Variants in DPF3 observed in about 807,000 individuals in gnomAD.
DPF3 encodes double PHD fingers 3.
Under a neutral mutation model 56.8 loss-of-function variants are expected in DPF3, and 18 were observed. The ratio of observed to expected loss-of-function variants is 0.32; its 90% CI spans 0.22 to 0.47. The LOEUF (loss-of-function observed/expected upper bound fraction) is 0.47, where lower values mean the gene tolerates loss of function less well. Ranked by LOEUF, DPF3 falls within the 20% of genes least tolerant of loss-of-function variation. The pLI is 1.00. For synonymous variants in DPF3, 188 were observed against 180.2 expected (o/e 1.04, Z -0.35); for missense variants, 403 against 488.8 (o/e 0.82, Z 1.65).
intron 1 of DPF3, among the ~76,000 whole-genome samples, chr14:72,795,291 AAAAAAT>A (rs751184310): frequency 0.066 from 8,097 of 122,092 alleles, 245 homozygotes; most frequent in Admixed American, 0.13. Flanking sequence ...AAAAAAAAAA[AAAAAAT>A]ATATATATAT....
Position 72,693,123 on chromosome 14 carries a change from T to C in DPF3, c.695A>G (p.Asp232Gly). ...LASEEGDEAQ[D>G]QETRSPPNHR... ...GTTGGGTGGGGACCGAGTCTCCTGG[T>C]CTTGAGCTTCATCCCCCTCCTCGCT... Residue 232 changes from aspartate (D) to glycine (G), a missense_variant, in exon 7 of 11, where the codon GAC (aspartate) becomes GGC (glycine). By Grantham distance (94) the Asp-to-Gly change is moderately conservative. Transcript: ENST00000556509. The C allele has an allele frequency of 6.2e-7, 1 of 1,614,006 alleles. No homozygotes were observed. Among genetic ancestry groups the C allele is most frequent in the Non-Finnish European group, 8.5e-7 (1 of 1,179,886 alleles).
chr14:72,721,099 T>C (rs1889151746), intron 5 of DPF3, among the ~76,000 whole-genome samples: 1 of 152,196 alleles, frequency 6.6e-6, no homozygotes, highest in African/African-American at 2.4e-5. Context: ...TAGCCACATG[T>C]GGCCAGCAGC....
At chr14:72,716,364 A>G (rs1409684565) in intron 5 of DPF3, among the ~76,000 whole-genome samples, 2 of 152,150 alleles carry the variant, frequency 1.3e-5, no homozygotes, top group Non-Finnish European at 2.9e-5. Flanking sequence ...TTCAGGGGAC[A>G]TGCAAGGGAC....
At chr14:72,891,724 T>TTTA (rs1886760363) in intron 1 of DPF3, among the ~76,000 whole-genome samples, 1 of 151,916 alleles carries the variant, frequency 6.6e-6, no homozygotes, top group Non-Finnish European at 1.5e-5. Context: ...AGTGGTATTG[T>TTTA]TTATACCCCT....
Position 72,628,944 on chromosome 14 carries a change from C to T in DPF3, c.984+680G>A, listed in dbSNP as rs150965796. 2.1e-3 allele frequency among the ~76,000 whole-genome samples: 315 copies of T among 152,240 alleles called. No individual in the cohort carries two copies. The Middle Eastern group carries it at 0.024, about 12-fold the overall frequency. ...CTATATGTAAGTTTATATGCACCTACAGATATTTAAATAAACTTCAAAGAC... is the reference window on the plus strand; with the variant it reads ...CTATATGTAAGTTTATATGCACCTATAGATATTTAAATAAACTTCAAAGAC... On this transcript the variant is annotated intron_variant, in intron 9 of 10. Transcript: ENST00000556509.
At chr14:72,731,034 C>T (rs1889617517) in intron 4 of DPF3, among the ~76,000 whole-genome samples, 1 of 152,060 alleles carries the variant, frequency 6.6e-6, no homozygotes, top group Non-Finnish European at 1.5e-5. Context: ...CAGATGGTGG[C>T]ACATGCCTGT....
intron 1 of DPF3, among the ~76,000 whole-genome samples, chr14:72,883,635 A>G (rs1442163338): frequency 6.6e-6 from 1 of 152,216 alleles, no homozygotes; most frequent in East Asian, 1.9e-4. Flanking sequence ...CTACTTTTCT[A>G]TAAAGAATCT....
chr14:72,737,411 A>G (rs1889936826), intron 3 of DPF3, among the ~76,000 whole-genome samples: 1 of 152,114 alleles, frequency 6.6e-6, no homozygotes, highest in Admixed American at 6.5e-5. Flanking sequence ...CATTAACAGG[A>G]TGCAGGCGAG....
chr14:72,783,925 A>G (rs931317264), intron 1 of DPF3, among the ~76,000 whole-genome samples: 1 of 152,060 alleles, frequency 6.6e-6, no homozygotes, highest in South Asian at 2.1e-4. Flanking sequence ...TTGACAGGAA[A>G]TCAATGGGAA....
intron 8 of DPF3, among the ~76,000 whole-genome samples, chr14:72,664,573 C>G (rs572133106): frequency 2.0e-5 from 3 of 152,066 alleles, no homozygotes; most frequent in Admixed American, 2.0e-4. Flanking sequence ...CTCCCCACCC[C>G]TGTCCTGACA....
At chr14:72,841,684 C>T (rs1479503843) in intron 1 of DPF3, among the ~76,000 whole-genome samples, 1 of 152,136 alleles carries the variant, frequency 6.6e-6, no homozygotes, top group Non-Finnish European at 1.5e-5. Flanking sequence ...GCAGTTACAG[C>T]AACTTGAATG....
intron 7 of DPF3, among the ~76,000 whole-genome samples, chr14:72,677,195 T>C (rs1886947052): frequency 6.6e-6 from 1 of 152,192 alleles, no homozygotes; most frequent in Non-Finnish European, 1.5e-5. Flanking sequence ...AGGTACATTT[T>C]TAGTCTGGCA....
At chr14:72,713,479 G>C (rs114410099) in intron 6 of DPF3, among the ~76,000 whole-genome samples, 2,358 of 152,238 alleles carry the variant, frequency 0.015, 64 homozygotes, top group African/African-American at 0.053. Context: ...GAGATGGGTG[G>C]GACACCCAGA....
rs1235564325 is a variant in DPF3 at position 72,610,018 on chromosome 14, ACT to A, written c.*9277_*9278del. On this transcript the variant is annotated 3_prime_UTR_variant, in exon 11 of 11. Transcript: ENST00000556509. ...TAGGCATTTCTCTCACTGGAGACCC[ACT>A]CTCTTGGTCATTCCTTTATGACTGA... 6.6e-6 allele frequency among the ~76,000 whole-genome samples: 1 copy of A among 152,080 alleles called. No individual in the cohort carries two copies. The highest frequency in any genetic ancestry group is 1.5e-5 in the Non-Finnish European group (1 of 68,014).
chr14:72,795,905 T>C (rs903035201), intron 1 of DPF3, among the ~76,000 whole-genome samples: 1 of 152,260 alleles, frequency 6.6e-6, no homozygotes, highest in Non-Finnish European at 1.5e-5. Context: ...CTTTCTCTTA[T>C]AAACAATTGC....
At chr14:72,812,210 A>T (rs746710428) in intron 1 of DPF3, among the ~76,000 whole-genome samples, 2 of 152,066 alleles carry the variant, frequency 1.3e-5, no homozygotes, top group Non-Finnish European at 2.9e-5. Flanking sequence ...TGCTCCCACC[A>T]GCCCCGCTTA....
At chr14:72,669,865 TG>T in intron 8 of DPF3, 5 of 983,864 alleles carry the variant, frequency 5.1e-6, no homozygotes, top group Non-Finnish European at 6.0e-6. Context: ...AAAAGCAAGC[TG>T]GGGGAAAAAG....
At chr14:72,671,539 C>A (rs74062337) in intron 8 of DPF3, 2 of 785,072 alleles carry the variant, frequency 2.5e-6, no homozygotes, top group South Asian at 1.3e-5. Flanking sequence ...TTCCCCCACT[C>A]CCCGAAAAGG....
At chr14:72,734,708 G>A (rs187993977) in intron 3 of DPF3, among the ~76,000 whole-genome samples, 6 of 152,148 alleles carry the variant, frequency 3.9e-5, no homozygotes, top group South Asian at 2.1e-4. Context: ...TGCGTCACCC[G>A]AGACCCTGAA....
Sources: gnomAD v4.1 joint callset for allele counts (sites outside exome capture counted in the v4.1 genomes callset) on GRCh38, gnomAD v4.1.1 for gene constraint, MANE v1.5 for transcripts, NCBI Gene and HGNC (gene_info 2026-07-23, HGNC 2026-07-21) for gene names.